The following UHRF2 variants were observed in gnomAD, a reference collection of about 807,000 sequenced individuals.
UHRF2 encodes ubiquitin like with PHD and ring finger domains 2, also known as E3 ubiquitin-protein ligase UHRF2.
In UHRF2, 23 loss-of-function variants were observed where a neutral mutation model predicts 96.8. The ratio of observed to expected loss-of-function variants is 0.24; its 90% confidence interval spans 0.17 to 0.34. UHRF2 has a LOEUF of 0.34. Ranked by LOEUF, UHRF2 falls within the 10% of genes least tolerant of loss-of-function variation. The probability of loss-of-function intolerance (pLI) is 1.00; values close to 1 mark genes in which losing one functional copy is unlikely to be tolerated. For missense variants in UHRF2, 685 were observed against 981.5 expected (o/e 0.70, Z 4.04); for synonymous variants, 385 against 332.6 (o/e 1.16, Z -1.72).
intron 8 of UHRF2, among the ~76,000 whole-genome samples, chr9:6,486,403 A>T (rs1219024615): frequency 1.3e-5 from 2 of 152,192 alleles, no homozygotes; most frequent in African/African-American, 4.8e-5. Flanking sequence ...TGCATTTTTG[A>T]CTTCACAAAC....
intron 1 of UHRF2, among the ~76,000 whole-genome samples, chr9:6,419,263 A>G (rs1481452487): frequency 1.3e-5 from 2 of 152,186 alleles, no homozygotes; most frequent in African/African-American, 4.8e-5. Flanking sequence ...CTGTTTCCAA[A>G]TAAGGTCACA....
intron 2 of UHRF2, among the ~76,000 whole-genome samples, chr9:6,427,675 A>T (rs1017573190): frequency 1.3e-5 from 2 of 152,062 alleles, no homozygotes; most frequent in Non-Finnish European, 2.9e-5. Flanking sequence ...ACAGAGCAAG[A>T]CCCCATCTCA....
chr9:6,435,724 A>G (rs1286175706), intron 3 of UHRF2, among the ~76,000 whole-genome samples: 1 of 152,100 alleles, frequency 6.6e-6, no homozygotes, highest in Non-Finnish European at 1.5e-5. Flanking sequence ...CTGCTACCTC[A>G]GCCTCCTGAG....
Position 6,476,952 on chromosome 9 carries a change from T to G in UHRF2, c.974-670T>G, listed in dbSNP as rs1325015981. ...ATTCTTTTTGGTTCCTTTCTTTTCA[T>G]TAGAAAAGCTGTATGCTGGCTGGGT... On this transcript the variant is annotated intron_variant, in intron 5 of 15. Transcript: ENST00000276893. Among the ~76,000 whole-genome samples the G allele has an allele frequency of 4.6e-5, 7 of 152,132 alleles. No individual in the cohort carries two copies. In the East Asian group the frequency reaches 1.3e-3, roughly 29 times the overall value.
chr9:6,502,147 A>C (rs935926434), intron 14 of UHRF2, among the ~76,000 whole-genome samples: 2 of 152,220 alleles, frequency 1.3e-5, no homozygotes, highest in African/African-American at 4.8e-5. Context: ...TTAAATAAAT[A>C]CATATGTGTA....
intron 4 of UHRF2, among the ~76,000 whole-genome samples, chr9:6,467,121 G>A (rs1044822760): frequency 3.9e-5 from 6 of 152,120 alleles, no homozygotes; most frequent in Non-Finnish European, 7.4e-5. Context: ...AATTTCACTA[G>A]GCAAAAATCA....
intron 2 of UHRF2, among the ~76,000 whole-genome samples, chr9:6,430,595 C>A (rs977619393): frequency 6.6e-6 from 1 of 152,104 alleles, no homozygotes; most frequent in African/African-American, 2.4e-5. Flanking sequence ...AGTCCATGCA[C>A]TTAACTACCT....
chr9:6,447,023 G>A (rs764125623), intron 3 of UHRF2, among the ~76,000 whole-genome samples: 1 of 151,882 alleles, frequency 6.6e-6, no homozygotes, highest in African/African-American at 2.4e-5. Flanking sequence ...CAAGTAGCTG[G>A]GACCACAGGT....
At chr9:6,414,357 A>G (rs142146005) in intron 1 of UHRF2, among the ~76,000 whole-genome samples, 1 of 152,320 alleles carries the variant, frequency 6.6e-6, no homozygotes, top group East Asian at 1.9e-4. Flanking sequence ...CCCGAAGTGA[A>G]AAGGAGTGTA....
At chr9:6,504,155 A>C (rs1816458131) in intron 14 of UHRF2, among the ~76,000 whole-genome samples, 1 of 151,428 alleles carries the variant, frequency 6.6e-6, no homozygotes, top group East Asian at 1.9e-4. Context: ...CCTCCCCAGC[A>C]GCTGGGACTA....
chr9:6,450,304 T>TC (rs34892051), intron 3 of UHRF2, among the ~76,000 whole-genome samples: 24,098 of 117,988 alleles, frequency 0.2, 2,495 homozygotes, highest in South Asian at 0.28. Flanking sequence ...TTCTTCCCCT[T>TC]CCCCCCCCCC....
chr9:6,428,841 C>G (rs1257404781), intron 2 of UHRF2, among the ~76,000 whole-genome samples: 3 of 151,972 alleles, frequency 2.0e-5, no homozygotes, highest in Admixed American at 1.3e-4. Context: ...AGCCATCACA[C>G]CCAGCCCTGC....
intron 8 of UHRF2, among the ~76,000 whole-genome samples, chr9:6,483,347 ATCCTTTAT>A (rs1824044860): frequency 6.6e-6 from 1 of 151,098 alleles, no homozygotes; most frequent in Non-Finnish European, 1.5e-5. Context: ...AAAAAAAAAA[ATCCTTTAT>A]ACAATGGTGC....
chr9:6,474,311 A>T (rs903334166), intron 4 of UHRF2, among the ~76,000 whole-genome samples: 1 of 152,240 alleles, frequency 6.6e-6, no homozygotes, highest in African/African-American at 2.4e-5. Context: ...TAACCAAAAG[A>T]AAGTAAACTT....
chr9:6,443,284 G>C (rs1434283929), intron 3 of UHRF2, among the ~76,000 whole-genome samples: 3 of 152,158 alleles, frequency 2.0e-5, no homozygotes, highest in Admixed American at 6.5e-5. Context: ...AGTGTGCCAA[G>C]CAGTATACAG....
At chr9:6,461,285 A>G (rs1343288776) in intron 4 of UHRF2, among the ~76,000 whole-genome samples, 2 of 151,968 alleles carry the variant, frequency 1.3e-5, no homozygotes, top group Non-Finnish European at 2.9e-5. Flanking sequence ...CAAATCCTTC[A>G]GATATTTCTA....
intron 3 of UHRF2, among the ~76,000 whole-genome samples, chr9:6,456,989 G>A (rs559396283): frequency 3.9e-5 from 6 of 152,198 alleles, no homozygotes; most frequent in South Asian, 4.1e-4. Flanking sequence ...TTGGCTATAC[G>A]GGCTCTTTTT....
intron 8 of UHRF2, chr9:6,484,550 ACAC>A (rs1205021205): frequency 2.7e-5 from 4 of 148,482 alleles, no homozygotes; most frequent in African/African-American, 9.9e-5. Flanking sequence ...CTACAGGCAC[ACAC>A]CACCACACCC....
At chr9:6,459,720 T>C (rs1259214342) in intron 3 of UHRF2, among the ~76,000 whole-genome samples, 2 of 152,208 alleles carry the variant, frequency 1.3e-5, no homozygotes, top group Non-Finnish European at 2.9e-5. Context: ...ATGCCGGTAG[T>C]CCCAGTACTT....
Sources: allele counts gnomAD v4.1 joint callset (sites outside exome capture counted in the v4.1 genomes callset), GRCh38; gene constraint gnomAD v4.1.1; transcripts MANE v1.5; gene names NCBI Gene and HGNC (gene_info 2026-07-23, HGNC 2026-07-21).